The following STRN4 variants were observed in gnomAD, a reference collection of about 807,000 sequenced individuals.
STRN4 encodes the protein striatin-4.
STRN4 carries 27 observed loss-of-function variants against 77.9 expected under a neutral mutation model. That is an observed-to-expected ratio of 0.35 (90% CI 0.26 to 0.48). The LOEUF is 0.48. Among genes scored for constraint, STRN4 ranks in the 20% least tolerant of loss-of-function variants. The pLI is 0.99. For synonymous variants in STRN4, 466 were observed against 443.1 expected (o/e 1.05, Z -0.65); for missense variants, 798 against 1,049.7 (o/e 0.76, Z 3.31).
rs750094706 is a variant in STRN4, at chr19:46,743,547, G to C, written c.282+2602C>G. ...TGACCCTGGGGAGGCCACTATGCTTGCCTGAACCAATTTTCTCAACTGTAC... is the reference window on the plus strand; with the variant it reads ...TGACCCTGGGGAGGCCACTATGCTTCCCTGAACCAATTTTCTCAACTGTAC... On this transcript the variant is annotated intron_variant, in intron 1 of 17. Coordinates refer to ENST00000263280, the MANE Select transcript of STRN4 (RefSeq NM_013403.3). Among the ~76,000 whole-genome samples, 13 of 152,282 alleles carry C rather than the reference G, an allele frequency of 8.5e-5. No homozygotes were observed. In the South Asian group the frequency reaches 1.4e-3, roughly 17 times the overall value.
intron 12 of STRN4, among the ~76,000 whole-genome samples, chr19:46,724,249 C>CAAAAAAAAAAAAAAAAAAAAAAAAAA (rs71970589): frequency 2.3e-5 from 2 of 87,182 alleles, no homozygotes; most frequent in Admixed American, 1.3e-4. Context: ...CTCTTTGTCT[C>CAAAAAAAAAAAAAAAAAAAAAAAAAA]AAAAAAAAAA....
In STRN4 at chr19:46,723,271, C is replaced by T. The variant is rs1201459198; in HGVS notation, c.1608G>A (p.Leu536=). The T allele has an allele frequency of 2.6e-6, 4 of 1,546,784 alleles. No homozygotes were observed. The African/African-American group carries it at 4.1e-5, about 16-fold the overall frequency. Residue 536 remains leucine, a synonymous_variant, in exon 13 of 18, where the codon CTG becomes CTA. Transcript: ENST00000263280. This position sits in a 1 kb window ranked among gnomAD's most constrained non-coding sequence, Gnocchi z 5.5. ...DPYDGYDPSV[L]SHVLEGHGDA... is the part of the protein sequence containing the mutation. ...CCCCGTGGCCCTCCAGGACGTGGCT[C>T]AGCACGCTTGGGTCTGCACCCACCG...
intron 6 of STRN4, among the ~76,000 whole-genome samples, chr19:46,729,489 G>T (rs1171710168): frequency 6.6e-6 from 1 of 152,080 alleles, no homozygotes; most frequent in Non-Finnish European, 1.5e-5. Flanking sequence ...TGACCTGCAT[G>T]GGGGGGACCA....
chr19:46,722,184 TCTGCTGC>T, intron 15 of STRN4, 51 bp downstream of exon 15: 1 of 1,595,122 alleles, frequency 6.3e-7, no homozygotes, highest in East Asian at 2.3e-5. Context: ...CGCAAGCATC[TCTGCTGC>T]CTGCCTCTGG....
chr19:46,734,475 A>G (rs1415439711), intron 4 of STRN4, among the ~76,000 whole-genome samples: 2 of 152,198 alleles, frequency 1.3e-5, no homozygotes, highest in Non-Finnish European at 2.9e-5. Flanking sequence ...TTTTTATCAC[A>G]CTGTCTATAA....
chr19:46,741,348 G>A lies in STRN4; in HGVS notation c.283-2460C>T, dbSNP rs763397842. 3.9e-5 allele frequency among the ~76,000 whole-genome samples: 6 copies of A among 152,174 alleles called. No homozygotes were observed. The highest frequency in any genetic ancestry group is 1.9e-4 in the East Asian group (1 of 5,194). The stretch of plus-strand genomic sequence containing the variant: ...CCCTTCATCCCTCTGCTGCCTCATC[G>A]AGCTGTGGTCTCCCTCCTCCTAATG... On this transcript the variant is annotated intron_variant, in intron 1 of 17. Coordinates refer to ENST00000263280, the MANE Select transcript of STRN4 (RefSeq NM_013403.3). This position sits in a 1 kb window ranked among gnomAD's most constrained non-coding sequence, Gnocchi z 4.9.
chr19:46,746,278 T>G lies in STRN4; in HGVS notation c.153A>C (p.Gly51=). The G allele has an allele frequency of 6.9e-7, 1 of 1,446,224 alleles. No individual in the cohort carries two copies. 89.6% of individuals were successfully genotyped at this position (1,446,224 alleles called of 1,614,324 possible). ...PGPAGKGGGG[G]GSPGPTAGPE... Reference sequence around the variant, plus strand: ...GGCCCGCCGTGGGCCCGGGGCTGCCTCCGCCGCCGCCTCCCTTACCTGCCG... The same window carrying G: ...GGCCCGCCGTGGGCCCGGGGCTGCCGCCGCCGCCGCCTCCCTTACCTGCCG... The change falls in exon 1 of 18, where the codon GGA becomes GGC. Residue 51 remains glycine, a synonymous_variant. Coordinates refer to ENST00000263280, the MANE Select transcript of STRN4 (RefSeq NM_013403.3).
intron 6 of STRN4, among the ~76,000 whole-genome samples, chr19:46,730,386 T>A (rs2054220275): frequency 6.6e-6 from 1 of 151,592 alleles, no homozygotes; most frequent in Non-Finnish European, 1.5e-5. Flanking sequence ...GAAGGCTTCC[T>A]GGAGGAGGGG....
At chr19:46,742,687 CGAGTA>C (rs1289058679) in intron 1 of STRN4, among the ~76,000 whole-genome samples, 1 of 152,104 alleles carries the variant, frequency 6.6e-6, no homozygotes, top group Non-Finnish European at 1.5e-5. Flanking sequence ...CTCAGCCTCC[CGAGTA>C]GCTGGGACTA....
chr19:46,724,692 C>T (rs1034395582), intron 12 of STRN4, 115 bp downstream of exon 12: 1 of 1,484,460 alleles, frequency 6.7e-7, no homozygotes, highest in Non-Finnish European at 9.2e-7. Context: ...GGAGCCGTCA[C>T]ACGCACTCCT....
intron 3 of STRN4, among the ~76,000 whole-genome samples, chr19:46,737,305 G>A (rs1262446070): frequency 6.6e-6 from 1 of 152,220 alleles, no homozygotes; most frequent in Admixed American, 6.5e-5. Flanking sequence ...TCTCCCTCTT[G>A]GGAGTGCTGA....
In STRN4 at chr19:46,720,562, C is replaced by T. The variant is rs868200047; in HGVS notation, c.*40G>A. On this transcript the variant is annotated 3_prime_UTR_variant, in exon 17 of 18. Transcript: ENST00000263280. The stretch of plus-strand genomic sequence containing the variant: ...TCAGCCCCACCTGCCCGGCCCTACA[C>T]CCCAGCCAGCGTGGCGGCCAGGGCA... The T allele has an allele frequency of 2.6e-6, 4 of 1,513,554 alleles. No homozygotes were observed. In the Middle Eastern group the frequency reaches 5.5e-4, roughly 209 times the overall value. The allele number at this position is 1,513,554 out of a possible 1,614,324, so 93.8% of individuals were successfully genotyped here.
intron 1 of STRN4, among the ~76,000 whole-genome samples, chr19:46,744,476 G>A (rs776050551): frequency 5.3e-5 from 8 of 151,968 alleles, no homozygotes; most frequent in South Asian, 2.1e-4. Flanking sequence ...CTCAACCTCC[G>A]GGGTTTAAGC....
In STRN4 at chr19:46,721,971, G is replaced by A. The variant is rs755308498; in HGVS notation, c.2092+15C>T. ...CTTCTCCCCAACCCTGGTGGGACTA[G>A]TGTGCTCAACTTACTTCCTGACATC... On this transcript the variant is annotated intron_variant, in intron 16 of 17. Coordinates refer to ENST00000263280, the MANE Select transcript of STRN4 (RefSeq NM_013403.3). The A allele has an allele frequency of 3.1e-6, 5 of 1,613,204 alleles. No individual in the cohort carries two copies. The African/African-American group carries it at 6.7e-5, about 22-fold the overall frequency.
In STRN4 at chr19:46,736,606, A is replaced by C. The variant is rs117013396; in HGVS notation, c.539+217T>G. Among the ~76,000 whole-genome samples the C allele has an allele frequency of 5.9e-4, 85 of 144,308 alleles. No homozygotes were observed. In the East Asian group the frequency reaches 0.014, roughly 24 times the overall value. 94.7% of individuals were successfully genotyped at this position (144,308 alleles called of 152,430 possible). Reference sequence around the variant, plus strand: ...GAGGCATTCAGGGACACATTCCAACAGGGGTGTCCCCACGTCTGCCTCCTG... The same window carrying C: ...GAGGCATTCAGGGACACATTCCAACCGGGGTGTCCCCACGTCTGCCTCCTG... On this transcript the variant is annotated intron_variant, in intron 4 of 17. Transcript: ENST00000263280.
chr19:46,724,992 A>G, intron 11 of STRN4, 64 bp from the exon 12 acceptor site: 1 of 1,606,606 alleles, frequency 6.2e-7, no homozygotes, highest in Middle Eastern at 1.7e-4. Context: ...TGGCCACAGG[A>G]CCTAAGTTCC....
At chr19:46,721,702 G>A (rs2053980915) in intron 16 of STRN4, 1 of 398,130 alleles carries the variant, frequency 2.5e-6, no homozygotes. Flanking sequence ...CAATGGCCAA[G>A]TTACAAAGCG....
chr19:46,735,355 G>A (rs913969123), intron 4 of STRN4, among the ~76,000 whole-genome samples: 1 of 152,114 alleles, frequency 6.6e-6, no homozygotes, highest in Non-Finnish European at 1.5e-5. Flanking sequence ...TACATAAACT[G>A]AGCAGTGTGG....
intron 1 of STRN4, among the ~76,000 whole-genome samples, chr19:46,740,638 T>A (rs985087846): frequency 6.6e-6 from 1 of 151,858 alleles, no homozygotes; most frequent in Non-Finnish European, 1.5e-5. Context: ...CAGGGGCAGT[T>A]CAGCCTGCCG....
Sources: gnomAD v4.1 joint callset for allele counts (sites outside exome capture counted in the v4.1 genomes callset) on GRCh38, gnomAD v4.1.1 for gene constraint, Gnocchi (gnomAD v3.1) non-coding constraint, MANE v1.5 for transcripts, NCBI Gene and HGNC (gene_info 2026-07-23, HGNC 2026-07-21) for gene names.